Variants in LRMDA observed in about 807,000 individuals in gnomAD.
LRMDA encodes the protein leucine rich melanocyte differentiation associated, also known as leucine-rich melanocyte differentiation-associated protein.
Under a neutral mutation model 29.8 loss-of-function variants are expected in LRMDA, and 18 were observed. The observed-to-expected ratio is 0.60, with a 90% confidence interval of 0.42 to 0.90. LRMDA has a LOEUF of 0.90. Among genes scored for constraint, LRMDA ranks in the 40% least tolerant of loss-of-function variants. LRMDA has a pLI of 0.00. For synonymous variants in LRMDA, 125 were observed against 109.4 expected (o/e 1.14, Z -0.89); for missense variants, 273 against 273.9 (o/e 1.00, Z 0.02).
chr10:76,433,758 G>A (rs1329517631), intron 6 of LRMDA: 1 of 152,270 alleles, frequency 6.6e-6, no homozygotes, highest in African/African-American at 2.4e-5. Context: ...CACCTGCAGT[G>A]CCAGGTAACC....
intron 2 of LRMDA, among the ~76,000 whole-genome samples, chr10:75,901,757 G>C (rs187150142): frequency 1.6e-4 from 25 of 152,294 alleles, no homozygotes; most frequent in Admixed American, 7.2e-4. Flanking sequence ...GTAACTAATA[G>C]AACAAGAGAA....
intron 2 of LRMDA, among the ~76,000 whole-genome samples, chr10:75,647,323 A>G (rs149347373): frequency 2.0e-3 from 312 of 152,266 alleles, no homozygotes; most frequent in Non-Finnish European, 2.3e-3. Context: ...GGAGGTAATT[A>G]TGGGTGGTTT....
chr10:75,973,866 A>G (rs528601345), intron 2 of LRMDA, among the ~76,000 whole-genome samples: 1 of 152,280 alleles, frequency 6.6e-6, no homozygotes, highest in South Asian at 2.1e-4. Flanking sequence ...GAAAAGTTCT[A>G]TAGTTGAAAG....
intron 4 of LRMDA, among the ~76,000 whole-genome samples, chr10:76,055,413 C>T (rs1275639382): frequency 6.6e-6 from 1 of 152,206 alleles, no homozygotes; most frequent in African/African-American, 2.4e-5. Flanking sequence ...AGCCTTTTAC[C>T]TGGATAAGCA....
intron 6 of LRMDA, among the ~76,000 whole-genome samples, chr10:76,488,771 T>C (rs373286190): frequency 2.0e-5 from 3 of 151,862 alleles, no homozygotes; most frequent in South Asian, 4.1e-4. Flanking sequence ...CAACACTTGG[T>C]ATGGTGAGTC....
At chr10:76,039,826 A>G (rs1848312407) in intron 3 of LRMDA, among the ~76,000 whole-genome samples, 1 of 152,224 alleles carries the variant, frequency 6.6e-6, no homozygotes, top group African/African-American at 2.4e-5. Context: ...AGATTCTAGT[A>G]ACATAGTAAG....
chr10:76,485,392 T>C (rs1842771462), intron 6 of LRMDA, among the ~76,000 whole-genome samples: 1 of 151,938 alleles, frequency 6.6e-6, no homozygotes, highest in Non-Finnish European at 1.5e-5. Context: ...TACCACATTA[T>C]GGATAGTGTG....
chr10:76,173,533 T>G (rs1373769800), intron 5 of LRMDA, among the ~76,000 whole-genome samples: 1 of 152,146 alleles, frequency 6.6e-6, no homozygotes, highest in Non-Finnish European at 1.5e-5. Context: ...ATGTTGAAAA[T>G]GTAATTAGGA....
At chr10:76,323,060 G>A (rs1422864472) in intron 5 of LRMDA, among the ~76,000 whole-genome samples, 1 of 152,046 alleles carries the variant, frequency 6.6e-6, no homozygotes, top group Non-Finnish European at 1.5e-5. Context: ...TTTCTTGGTG[G>A]TTAAGCTTTT....
At chr10:75,586,298 T>TGG (rs1383938789) in intron 2 of LRMDA, among the ~76,000 whole-genome samples, 1 of 147,486 alleles carries the variant, frequency 6.8e-6, no homozygotes, top group East Asian at 2.1e-4. Flanking sequence ...GCATGCCCAC[T>TGG]AACACTGTGC....
At chr10:76,327,514 A>G (rs1840851030) in intron 6 of LRMDA, among the ~76,000 whole-genome samples, 1 of 152,230 alleles carries the variant, frequency 6.6e-6, no homozygotes, top group Non-Finnish European at 1.5e-5. Context: ...TTCCCTGTTC[A>G]GGGATTATCT....
chr10:75,506,505 C>T (rs936727042), intron 2 of LRMDA, among the ~76,000 whole-genome samples: 1 of 151,960 alleles, frequency 6.6e-6, no homozygotes, highest in African/African-American at 2.4e-5. Context: ...TGTCTTATAG[C>T]AGATCAGTGA....
chr10:75,869,815 C>T (rs771445996), intron 2 of LRMDA, among the ~76,000 whole-genome samples: 7 of 152,168 alleles, frequency 4.6e-5, no homozygotes, highest in Non-Finnish European at 7.3e-5. Context: ...CTTTTCTGTC[C>T]TGTCTCCTCT....
In LRMDA at chr10:76,474,938, A is replaced by G. The variant is rs757583168; in HGVS notation, c.602-82271A>G. On this transcript the variant is annotated intron_variant, in intron 6 of 6. Coordinates refer to ENST00000611255, the MANE Select transcript of LRMDA (RefSeq NM_001305581.2). ...TATCTATAGCAGCATTATTCATAAT[A>G]GTCAAAGAGTGGAAATAATCTAAAT... Among the ~76,000 whole-genome samples, 11 of 151,834 alleles carry G rather than the reference A, an allele frequency of 7.2e-5. No homozygotes were observed. In the South Asian group the frequency reaches 1.0e-3, roughly 14 times the overall value.
chr10:76,002,065 C>T (rs950457253), intron 2 of LRMDA, among the ~76,000 whole-genome samples: 1 of 152,278 alleles, frequency 6.6e-6, no homozygotes, highest in East Asian at 1.9e-4. Context: ...TCTCACAGTT[C>T]TGGAGTCTGG....
intron 6 of LRMDA, among the ~76,000 whole-genome samples, chr10:76,433,556 A>T (rs747865136): frequency 6.6e-6 from 1 of 152,136 alleles, no homozygotes; most frequent in Non-Finnish European, 1.5e-5. Context: ...GATGCCTGTC[A>T]CTTTGTGGCT....
At chr10:76,486,752 C>G (rs1354254778) in intron 6 of LRMDA, among the ~76,000 whole-genome samples, 2 of 151,872 alleles carry the variant, frequency 1.3e-5, no homozygotes, top group South Asian at 2.1e-4. Context: ...GGCTACTTTC[C>G]TAGTAACTGT....
chr10:76,032,368 T>C (rs1260721684), intron 2 of LRMDA, among the ~76,000 whole-genome samples: 1 of 152,162 alleles, frequency 6.6e-6, no homozygotes, highest in African/African-American at 2.4e-5. Flanking sequence ...CATAAGCTAA[T>C]GAGGGCAGAG....
chr10:75,549,181 T>G (rs1374103292), intron 2 of LRMDA, among the ~76,000 whole-genome samples: 1 of 152,184 alleles, frequency 6.6e-6, no homozygotes, highest in African/African-American at 2.4e-5. Context: ...AGTATTCTAT[T>G]GTGTGAATGT....
Sources: gnomAD v4.1 joint callset for allele counts (sites outside exome capture counted in the v4.1 genomes callset) on GRCh38, gnomAD v4.1.1 for gene constraint, MANE v1.5 for transcripts, NCBI Gene and HGNC (gene_info 2026-07-23, HGNC 2026-07-21) for gene names.